Variants in KCNAB1 observed in about 807,000 individuals in gnomAD.
KCNAB1 encodes potassium voltage-gated channel subfamily A regulatory beta subunit 1.
Under a neutral mutation model 64.6 loss-of-function variants are expected in KCNAB1, and 35 were observed. The observed-to-expected ratio is 0.54, with a 90% CI of 0.41 to 0.72. KCNAB1 has a LOEUF of 0.72. Ranked by LOEUF, KCNAB1 falls within the 30% of genes least tolerant of loss-of-function variation. The probability of loss-of-function intolerance (pLI) is 0.00; values close to 1 mark genes in which losing one functional copy is unlikely to be tolerated. For synonymous variants in KCNAB1, 177 were observed against 183.8 expected, an observed-to-expected ratio of 0.96 and a Z score of 0.30; for missense variants, 401 against 512.9, an observed-to-expected ratio of 0.78 and a Z score of 2.11.
chr3:156,463,032 G>A (rs1356055942), intron 5 of KCNAB1, among the ~76,000 whole-genome samples: 1 of 152,132 alleles, frequency 6.6e-6, no homozygotes, highest in Admixed American at 6.5e-5. Context: ...AGGACTTTAG[G>A]ACTGTTTTCC....
chr3:156,149,810 G>T (rs1715288039), intron 1 of KCNAB1, among the ~76,000 whole-genome samples: 2 of 152,098 alleles, frequency 1.3e-5, no homozygotes, highest in Non-Finnish European at 1.5e-5. Flanking sequence ...TTCCTAAATT[G>T]CACTTACTTT....
At chr3:156,464,801 G>T (rs1021128080) in intron 6 of KCNAB1, among the ~76,000 whole-genome samples, 2 of 152,086 alleles carry the variant, frequency 1.3e-5, no homozygotes, top group African/African-American at 4.8e-5. Context: ...GATTTTCATT[G>T]CCCGAGCTTT....
intron 5 of KCNAB1, among the ~76,000 whole-genome samples, chr3:156,461,366 G>T (rs1372534823): frequency 6.6e-6 from 1 of 152,114 alleles, no homozygotes; most frequent in African/African-American, 2.4e-5. Flanking sequence ...AGCCATCCTG[G>T]GCATTCCTTG....
intron 1 of KCNAB1, among the ~76,000 whole-genome samples, chr3:156,290,759 T>C (rs1720353787): frequency 1.3e-5 from 2 of 152,130 alleles, no homozygotes; most frequent in Admixed American, 1.3e-4. Context: ...TCCTGAGTGG[T>C]GCTGGATTGC....
intron 1 of KCNAB1, among the ~76,000 whole-genome samples, chr3:156,148,859 CT>C (rs11360855): frequency 0.67 from 99,041 of 146,862 alleles, 33,198 homozygotes; most frequent in Admixed American, 0.76. Flanking sequence ...CATTTTCTTT[CT>C]TTTTTTTTTT....
At chr3:156,395,544 C>CAAAAAAAAAAAAAAAAAAAAAAAAAA (rs61017269) in intron 1 of KCNAB1, among the ~76,000 whole-genome samples, 1 of 25,446 alleles carries the variant, frequency 3.9e-5, no homozygotes, top group African/African-American at 7.7e-5. Flanking sequence ...GACTCCGTCT[C>CAAAAAAAAAAAAAAAAAAAAAAAAAA]AAAAAAAAAA....
At chr3:156,379,115 T>TG (rs1437873292) in intron 1 of KCNAB1, among the ~76,000 whole-genome samples, 1 of 152,202 alleles carries the variant, frequency 6.6e-6, no homozygotes, top group East Asian at 1.9e-4. Context: ...GGAAGAACTC[T>TG]GTGAGCATTG....
At chr3:156,162,286 G>A (rs1328274024) in intron 1 of KCNAB1, among the ~76,000 whole-genome samples, 1 of 151,880 alleles carries the variant, frequency 6.6e-6, no homozygotes, top group Non-Finnish European at 1.5e-5. Context: ...GGAAGACAGA[G>A]AAAATGGTAG....
intron 11 of KCNAB1, among the ~76,000 whole-genome samples, chr3:156,522,996 C>T (rs1718059150): frequency 1.3e-5 from 2 of 152,246 alleles, no homozygotes; most frequent in South Asian, 2.1e-4. Context: ...TCTATTGTTC[C>T]CTTTCTCATA....
intron 1 of KCNAB1, among the ~76,000 whole-genome samples, chr3:156,248,082 A>G (rs1026492240): frequency 2.6e-5 from 4 of 152,176 alleles, no homozygotes; most frequent in African/African-American, 4.8e-5. Context: ...TGATGCTGTC[A>G]CCTTGAGAAG....
chr3:156,285,477 A>C (rs955922977), intron 1 of KCNAB1, among the ~76,000 whole-genome samples: 32 of 151,038 alleles, frequency 2.1e-4, no homozygotes, highest in Admixed American at 2.6e-4. Context: ...AGAGGCCTGA[A>C]CAAAATAATC....
intron 1 of KCNAB1, among the ~76,000 whole-genome samples, chr3:156,350,182 A>T (rs548102190): frequency 9.8e-5 from 15 of 152,322 alleles, no homozygotes; most frequent in African/African-American, 3.6e-4. Context: ...ACTTTGGTTC[A>T]GTTCTGAGCA....
chr3:156,427,332 C>G (rs1715888230), intron 2 of KCNAB1, among the ~76,000 whole-genome samples: 1 of 152,102 alleles, frequency 6.6e-6, no homozygotes. Context: ...AGGAACTTCT[C>G]ACAGTGATGA....
intron 1 of KCNAB1, among the ~76,000 whole-genome samples, chr3:156,273,892 C>T (rs943299439): frequency 1.3e-5 from 2 of 152,272 alleles, no homozygotes; most frequent in Admixed American, 6.5e-5. Flanking sequence ...AAGTGTGTAT[C>T]AGCTATTGCA....
chr3:156,511,492 C>T (rs2108385799), intron 8 of KCNAB1, among the ~76,000 whole-genome samples: 1 of 152,300 alleles, frequency 6.6e-6, no homozygotes, highest in Non-Finnish European at 1.5e-5. Context: ...CCTGTTCTTC[C>T]TTCAGTCTCC....
chr3:156,355,753 C>T (rs1725189447), intron 1 of KCNAB1, among the ~76,000 whole-genome samples: 1 of 152,096 alleles, frequency 6.6e-6, no homozygotes, highest in South Asian at 2.1e-4. Flanking sequence ...TTCAGAGTAT[C>T]AGATATTGTT....
intron 1 of KCNAB1, among the ~76,000 whole-genome samples, chr3:156,283,616 A>G (rs1165233856): frequency 6.6e-6 from 1 of 151,752 alleles, no homozygotes; most frequent in Non-Finnish European, 1.5e-5. Context: ...TCAGACGTAG[A>G]TTTGGTCTTT....
intron 1 of KCNAB1, among the ~76,000 whole-genome samples, chr3:156,298,796 T>C (rs1720961800): frequency 6.6e-6 from 1 of 152,214 alleles, no homozygotes; most frequent in Non-Finnish European, 1.5e-5. Flanking sequence ...AAATAGCTAT[T>C]AGGCATCATA....
chr3:156,250,049 A>T (rs1167424930), intron 1 of KCNAB1, among the ~76,000 whole-genome samples: 1 of 152,220 alleles, frequency 6.6e-6, no homozygotes, highest in Non-Finnish European at 1.5e-5. Flanking sequence ...AGTGAATAGC[A>T]TGTTGGCTAG....
Sources: allele counts gnomAD v4.1 joint callset (sites outside exome capture counted in the v4.1 genomes callset), GRCh38; gene constraint gnomAD v4.1.1; transcripts MANE v1.5; gene names NCBI Gene and HGNC (gene_info 2026-07-23, HGNC 2026-07-21).